The following POLI variants were observed in gnomAD, a reference collection of about 807,000 sequenced individuals.
POLI encodes DNA polymerase iota, also known as RAD30 homolog B.
In POLI, 58 loss-of-function variants were observed where a neutral mutation model predicts 51.6. The ratio of observed to expected loss-of-function variants is 1.12; its 90% CI spans 0.91 to 1.40. The LOEUF is 1.40. Among genes scored for constraint, POLI ranks in the 40% most tolerant of loss-of-function variants. The pLI, the probability that POLI is intolerant of heterozygous loss-of-function variation, is 0.00. For missense variants in POLI, 921 were observed against 871.3 expected (o/e 1.06, Z -0.72); for synonymous variants, 322 against 299.7 (o/e 1.07, Z -0.77).
At chr18:54,286,843 C>T (rs1198016276) in intron 7 of POLI, among the ~76,000 whole-genome samples, 2 of 152,114 alleles carry the variant, frequency 1.3e-5, no homozygotes, top group African/African-American at 4.8e-5. Context: ...ACTCAGGAGG[C>T]TGAGGCAGGA....
At chr18:54,315,911 C>T (rs921232472) in intron 3 of POLI, among the ~76,000 whole-genome samples, 2 of 151,430 alleles carry the variant, frequency 1.3e-5, no homozygotes, top group Non-Finnish European at 2.9e-5. Context: ...TCCAACTTGA[C>T]ATTTTATGCA....
rs182297465 is a variant in POLI at position 54,312,342 on chromosome 18, C to T, written c.334-7931C>T. On this transcript the variant is annotated intron_variant, in intron 3 of 4. Transcript: ENST00000579823. Reference sequence around the variant, plus strand: ...TGTATATATGCCATATTATCTTTATCGAGTATATCATTGATGGGCACCTGG... The same window carrying T: ...TGTATATATGCCATATTATCTTTATTGAGTATATCATTGATGGGCACCTGG... 1.4e-4 allele frequency among the ~76,000 whole-genome samples: 21 copies of T among 152,082 alleles called. No homozygotes were observed. The South Asian group carries it at 2.5e-3, about 18-fold the overall frequency.
chr18:54,280,522 C>T, intron 4 of POLI, 145 bp from the exon 5 acceptor site: 1 of 619,300 alleles, frequency 1.6e-6, no homozygotes, highest in South Asian at 2.0e-5. Flanking sequence ...GGACAAATAT[C>T]ACAACCATAC....
At chr18:54,286,164 C>G (rs531618854) in intron 7 of POLI, among the ~76,000 whole-genome samples, 21 of 152,228 alleles carry the variant, frequency 1.4e-4, no homozygotes, top group Admixed American at 7.2e-4. Flanking sequence ...GTGCCTGGCC[C>G]AGAACTATTT....
intron 3 of POLI, among the ~76,000 whole-genome samples, chr18:54,305,050 T>C (rs2088559027): frequency 6.6e-6 from 1 of 152,242 alleles, no homozygotes; most frequent in Non-Finnish European, 1.5e-5. Flanking sequence ...TTTGTCAGAT[T>C]TGTCAAAGAT....
chr18:54,316,306 T>C (rs1225148872), intron 3 of POLI, among the ~76,000 whole-genome samples: 5 of 152,220 alleles, frequency 3.3e-5, no homozygotes, highest in Admixed American at 3.3e-4. Context: ...GAATATGTAC[T>C]TTCAACTATG....
chr18:54,293,552 A>G, intron 9 of POLI, 97 bp from the exon 10 acceptor site: 1 of 818,292 alleles, frequency 1.2e-6, no homozygotes, highest in Non-Finnish European at 1.9e-6. Flanking sequence ...TGAGTAGGTT[A>G]GAAACATGTC....
At chr18:54,306,807 A>C (rs1352645226) in intron 3 of POLI, among the ~76,000 whole-genome samples, 2 of 151,902 alleles carry the variant, frequency 1.3e-5, no homozygotes, top group South Asian at 2.1e-4. Flanking sequence ...TCTTGGGAGG[A>C]TGTATGTGTC....
At chr18:54,286,013 C>G (rs1024589364) in intron 7 of POLI, among the ~76,000 whole-genome samples, 3 of 151,830 alleles carry the variant, frequency 2.0e-5, no homozygotes, top group Non-Finnish European at 4.4e-5. Context: ...TGGGAAGGCA[C>G]CTGCCATCAA....
chr18:54,281,692 A>G (rs1275746867), intron 5 of POLI, among the ~76,000 whole-genome samples: 2 of 151,536 alleles, frequency 1.3e-5, no homozygotes. Context: ...TAAACTGAGG[A>G]CTATATACTG....
intron 3 of POLI, among the ~76,000 whole-genome samples, chr18:54,305,396 A>G (rs2088565200): frequency 6.6e-6 from 1 of 152,236 alleles, no homozygotes; most frequent in South Asian, 2.1e-4. Context: ...ATCCATGAGC[A>G]TGGAATGTTC....
rs777858687 is a variant in POLI, at chr18:54,294,196, C to T, written c.1952C>T (p.Pro651Leu). ...PQGFHFTNSN[P>L]AVSAFHSFPN... Reference sequence around the variant, plus strand: ...GGATTCCACTTTACAAATTCAAACCCTGCTGTGTCTGCTTTTCATTCATTT... The same window carrying T: ...GGATTCCACTTTACAAATTCAAACCTTGCTGTGTCTGCTTTTCATTCATTT... The change falls in exon 10 of 10, where the codon CCT becomes CTT. Residue 651 changes from proline to leucine, a missense_variant. Transcript: ENST00000579534. 4 of 1,613,296 alleles carry T rather than the reference C, an allele frequency of 2.5e-6. No homozygotes were observed. The highest frequency in any genetic ancestry group is 3.4e-6 in the Non-Finnish European group (4 of 1,179,408).
At position 54,287,365 on chromosome 18, in the gene POLI, T is replaced by C; in HGVS notation, c.1152T>C (p.Ser384=). ...YSSEKHYGRE[S]RQCPIPSHVI... is the part of the protein sequence containing the mutation. The stretch of plus-strand genomic sequence containing the variant: ...CTGAGAAGCACTATGGTCGTGAGAG[T>C]CGTCAGTGCCCTATTCCTTCACATG... The change falls in exon 8 of 10, where the codon AGT becomes AGC. Residue 384 remains serine (S), a synonymous_variant. Coordinates refer to ENST00000579534, the MANE Select transcript of POLI (RefSeq NM_007195.3). 2 of 1,603,624 alleles carry C rather than the reference T, an allele frequency of 1.2e-6. No individual in the cohort carries two copies. Among genetic ancestry groups the C allele is most frequent in the Non-Finnish European group, 1.7e-6 (2 of 1,173,652 alleles).
chr18:54,269,795 C>G lies in POLI; in HGVS notation c.115+134C>G. On this transcript the variant is annotated intron_variant, in intron 1 of 9. Coordinates refer to ENST00000579534, the MANE Select transcript of POLI (RefSeq NM_007195.3). ...CTCGGCTCCTCTAAGAGAGGGCTGC[C>G]TCCCTCTGCCTTGTGTTACGCGGCG... is the stretch of plus-strand genomic sequence containing the variant. 5.1e-6 allele frequency: 7 copies of G among 1,375,198 alleles called. No individual in the cohort carries two copies. In the South Asian group the frequency reaches 1.2e-4, roughly 23 times the overall value. 85.2% of individuals were successfully genotyped at this position (1,375,198 alleles called of 1,614,324 possible).
intron 7 of POLI, 174 bp downstream of exon 7, chr18:54,284,187 TA>T (rs967960528): frequency 1.6e-5 from 7 of 439,670 alleles, no homozygotes; most frequent in South Asian, 7.7e-5. Context: ...AAGATGGTAA[TA>T]GGGGGTCTTA....
chr18:54,300,764 A>T (rs2088476281), downstream of POLI, among the ~76,000 whole-genome samples: 1 of 152,218 alleles, frequency 6.6e-6, no homozygotes, highest in African/African-American at 2.4e-5. Flanking sequence ...TAAAAATTGG[A>T]TAAAAGACAC....
At chr18:54,282,732 A>C in intron 5 of POLI, 105 bp from the exon 6 acceptor site, 1 of 676,832 alleles carries the variant, frequency 1.5e-6, no homozygotes, top group Non-Finnish European at 2.4e-6. Flanking sequence ...CTACTGTATA[A>C]ATTATAGAAC....
intron 1 of POLI, 117 bp downstream of exon 1, chr18:54,269,778 C>T (rs866180374): frequency 4.3e-6 from 6 of 1,384,118 alleles, no homozygotes; most frequent in South Asian, 1.6e-5. Context: ...CACTCGGCTC[C>T]TCTAAGAGAG....
rs778538086 is a variant in POLI at position 54,271,509 on chromosome 18, T to G, written c.241+24T>G. 4 of 1,460,286 alleles carry G rather than the reference T, an allele frequency of 2.7e-6. No individual in the cohort carries two copies. The South Asian group carries it at 4.9e-5, about 18-fold the overall frequency. The allele number at this position is 1,460,286 out of a possible 1,614,324, so 90.5% of individuals were successfully genotyped here. Reference sequence around the variant, plus strand: ...AGGTAACTGTAGATTTATAATATTTTTAATTGCATAATGATTAGATTAGCA... The same window carrying G: ...AGGTAACTGTAGATTTATAATATTTGTAATTGCATAATGATTAGATTAGCA... On this transcript the variant is annotated intron_variant, in intron 2 of 9. Transcript: ENST00000579534.
Sources: allele counts gnomAD v4.1 joint callset (sites outside exome capture counted in the v4.1 genomes callset), GRCh38; gene constraint gnomAD v4.1.1; transcripts MANE v1.5; gene names NCBI Gene and HGNC (gene_info 2026-07-23, HGNC 2026-07-21).